Variants in NRG3 observed in about 807,000 individuals in gnomAD.
The protein encoded by NRG3 is neuregulin 3.
In NRG3, 31 loss-of-function variants were observed where a neutral mutation model predicts 66.9. That is an observed-to-expected ratio of 0.46 (90% CI 0.35 to 0.63). The LOEUF (loss-of-function observed/expected upper bound fraction) is 0.63. NRG3 is among the 20% of genes least tolerant of loss of function. The pLI is 0.00. For synonymous variants in NRG3, 393 were observed against 359.4 expected (o/e 1.09, Z -1.06); for missense variants, 910 against 878.9 (o/e 1.04, Z -0.45).
intron 1 of NRG3, among the ~76,000 whole-genome samples, chr10:81,937,124 C>G (rs1025125701): frequency 3.9e-5 from 6 of 152,106 alleles, no homozygotes; most frequent in African/African-American, 1.4e-4. Context: ...TTTTTTAAGG[C>G]TGAACGAATT....
chr10:82,102,324 A>C (rs2132129575), intron 1 of NRG3, among the ~76,000 whole-genome samples: 1 of 148,662 alleles, frequency 6.7e-6, no homozygotes, highest in East Asian at 2.0e-4. Flanking sequence ...TTTCTCCTTT[A>C]TTTTACTTTT....
rs1850350402 is a variant in NRG3 at position 82,959,005 on chromosome 10, A to G, written c.1214A>G (p.Tyr405Cys). 1 of 1,608,218 alleles carries G rather than the reference A, an allele frequency of 6.2e-7. No individual in the cohort carries two copies. The highest frequency in any genetic ancestry group is 1.3e-5 in the African/African-American group (1 of 74,680). Residue 405 changes from tyrosine (Y) to cysteine (C), a missense_variant, in exon 6 of 9, where the codon TAC becomes TGC. Tyr to Cys is a radical substitution (Grantham distance 194). Transcript: ENST00000372141. The stretch of plus-strand genomic sequence containing the variant: ...AAAGTGCCACAAAATGGTAAAAGCT[A>G]CAGTCTCAAAGCATCCAGCACAATG... ...QLKVPQNGKS[Y>C]SLKASSTMAK...
chr10:82,198,508 G>C (rs1244779697), intron 1 of NRG3, among the ~76,000 whole-genome samples: 1 of 152,112 alleles, frequency 6.6e-6, no homozygotes, highest in Admixed American at 6.5e-5. Context: ...AATAAGCAAA[G>C]GTGATTTAAA....
At chr10:82,694,248 A>G (rs940281468) in intron 2 of NRG3, among the ~76,000 whole-genome samples, 1 of 152,084 alleles carries the variant, frequency 6.6e-6, no homozygotes, top group African/African-American at 2.4e-5. Flanking sequence ...GTTTTTACAG[A>G]GTGATGATGG....
At chr10:82,852,339 T>C (rs913857126) in intron 3 of NRG3, among the ~76,000 whole-genome samples, 11 of 152,050 alleles carry the variant, frequency 7.2e-5, no homozygotes, top group African/African-American at 2.7e-4. Context: ...AAATACCTAA[T>C]GCACACGGGG....
intron 1 of NRG3, among the ~76,000 whole-genome samples, chr10:81,913,311 G>A (rs530623502): frequency 1.3e-5 from 2 of 152,266 alleles, no homozygotes; most frequent in East Asian, 1.9e-4. Context: ...CCATTGACCA[G>A]CGTCCTCATG....
chr10:82,239,288 C>T (rs1274453065), intron 1 of NRG3, among the ~76,000 whole-genome samples: 1 of 152,100 alleles, frequency 6.6e-6, no homozygotes, highest in African/African-American at 2.4e-5. Context: ...GTTACCCAGG[C>T]GGGACCATAG....
At chr10:82,669,651 G>A (rs890777495) in intron 2 of NRG3, among the ~76,000 whole-genome samples, 2 of 152,142 alleles carry the variant, frequency 1.3e-5, no homozygotes, top group Non-Finnish European at 2.9e-5. Context: ...GCAACATGCC[G>A]GGCGCGGTGG....
intron 4 of NRG3, among the ~76,000 whole-genome samples, chr10:82,915,103 C>T (rs925956249): frequency 2.0e-5 from 3 of 152,138 alleles, no homozygotes; most frequent in African/African-American, 7.2e-5. Context: ...CAAGCTTGTC[C>T]ACACCCAGTG....
chr10:82,044,290 T>G, intron 1 of NRG3, among the ~76,000 whole-genome samples: 1 of 152,060 alleles, frequency 6.6e-6, no homozygotes, highest in African/African-American at 2.4e-5. Flanking sequence ...GGCCAGATCC[T>G]ATTTCAGGAG....
At chr10:81,951,871 C>A (rs1187859265) in intron 1 of NRG3, among the ~76,000 whole-genome samples, 4 of 152,122 alleles carry the variant, frequency 2.6e-5, no homozygotes, top group Non-Finnish European at 5.9e-5. Flanking sequence ...TGGAACCAAC[C>A]CAAATGTCCA....
At chr10:82,303,603 C>T (rs1564771171) in intron 1 of NRG3, among the ~76,000 whole-genome samples, 1 of 152,146 alleles carries the variant, frequency 6.6e-6, no homozygotes, top group Non-Finnish European at 1.5e-5. Context: ...GGCACGGTGG[C>T]TCACACCTGT....
intron 4 of NRG3, among the ~76,000 whole-genome samples, chr10:82,917,278 G>T (rs927974701): frequency 5.3e-5 from 8 of 152,158 alleles, no homozygotes; most frequent in Non-Finnish European, 1.2e-4. Context: ...TCATTCCCTA[G>T]CTCAGGTTAT....
chr10:82,051,974 A>G (rs1016702100), intron 1 of NRG3, among the ~76,000 whole-genome samples: 1 of 151,882 alleles, frequency 6.6e-6, no homozygotes, highest in Non-Finnish European at 1.5e-5. Context: ...AAGGTGGGTC[A>G]CAGCACTGGC....
intron 1 of NRG3, among the ~76,000 whole-genome samples, chr10:82,268,216 T>C (rs1334426793): frequency 6.6e-6 from 1 of 152,144 alleles, no homozygotes; most frequent in Admixed American, 6.5e-5. Context: ...GCTTTTATTT[T>C]ACAGGGGTAC....
intron 2 of NRG3, among the ~76,000 whole-genome samples, chr10:82,733,832 A>G (rs1026604944): frequency 3.3e-5 from 5 of 152,232 alleles, no homozygotes; most frequent in East Asian, 3.8e-4. Context: ...ACTCATTGTC[A>G]TATTATAAGC....
At chr10:82,537,627 C>T (rs894105242) in intron 2 of NRG3, among the ~76,000 whole-genome samples, 2 of 152,082 alleles carry the variant, frequency 1.3e-5, no homozygotes, top group African/African-American at 2.4e-5. Flanking sequence ...TGTTATACAG[C>T]CTTCAAGTAA....
chr10:82,844,475 A>G (rs1390204807), intron 3 of NRG3, among the ~76,000 whole-genome samples: 1 of 152,144 alleles, frequency 6.6e-6, no homozygotes, highest in Non-Finnish European at 1.5e-5. Flanking sequence ...TGAATCCCAA[A>G]CTGGAGTTCA....
At chr10:82,952,471 C>CTCTCTCTG (rs1454945180) in intron 5 of NRG3, among the ~76,000 whole-genome samples, 2 of 98,786 alleles carry the variant, frequency 2.0e-5, no homozygotes, top group African/African-American at 8.3e-5. Flanking sequence ...CTCTCTCTCT[C>CTCTCTCTG]TGTGTGTGTG....
Sources: gnomAD v4.1 joint callset for allele counts (sites outside exome capture counted in the v4.1 genomes callset) on GRCh38, gnomAD v4.1.1 for gene constraint, MANE v1.5 for transcripts, NCBI Gene and HGNC (gene_info 2026-07-23, HGNC 2026-07-21) for gene names.